SOX6: variants seen among roughly 807,000 people sequenced by gnomAD.
SOX6 encodes SRY-box transcription factor 6.
Under a neutral mutation model 97.8 loss-of-function variants are expected in SOX6, and 11 were observed. That is an observed-to-expected ratio of 0.11 (90% CI 0.07 to 0.19). The LOEUF (loss-of-function observed/expected upper bound fraction) is 0.19, where lower values mean the gene tolerates loss of function less well. SOX6 is among the 10% of genes least tolerant of loss of function. The probability of loss-of-function intolerance (pLI) is 1.00; values close to 1 mark genes in which losing one functional copy is unlikely to be tolerated. For synonymous variants in SOX6, 360 were observed against 371.4 expected (o/e 0.97, Z 0.35); for missense variants, 810 against 1,039.5 (o/e 0.78, Z 3.04).
At chr11:16,179,395 T>G (rs754605832) in intron 6 of SOX6, among the ~76,000 whole-genome samples, 3 of 151,906 alleles carry the variant, frequency 2.0e-5, no homozygotes, top group African/African-American at 7.2e-5. Context: ...TTAAAAACAC[T>G]GTATATGAAA....
At chr11:16,393,848 C>T (rs1025128943) in intron 1 of SOX6, among the ~76,000 whole-genome samples, 2 of 151,990 alleles carry the variant, frequency 1.3e-5, no homozygotes, top group Non-Finnish European at 1.5e-5. Context: ...AGACAACTTA[C>T]GAAGGACATC....
chr11:16,716,013 C>T (rs1848217273), intron 2 of SOX6, among the ~76,000 whole-genome samples: 1 of 152,046 alleles, frequency 6.6e-6, no homozygotes, highest in Non-Finnish European at 1.5e-5. Context: ...GTGGGAGGAT[C>T]AAGTACAGGC....
intron 1 of SOX6, among the ~76,000 whole-genome samples, chr11:16,400,551 GTA>G (rs1403296260): frequency 6.6e-6 from 1 of 151,282 alleles, no homozygotes; most frequent in Non-Finnish European, 1.5e-5. Flanking sequence ...CCATATGATG[GTA>G]TATGATGTAG....
rs1270692086 is a variant in SOX6, at chr11:16,691,994, G to T, written n.429+22836C>A. Among the ~76,000 whole-genome samples the T allele has an allele frequency of 2.6e-5, 4 of 151,594 alleles. No individual in the cohort carries two copies. The South Asian group carries it at 6.2e-4, about 24-fold the overall frequency. ...TTAGGTTGTCCGTCTCTCTTTAAAAGAAAAAGAAAAAAGCTTTAGTAGTAA... is the reference window on the plus strand; with the variant it reads ...TTAGGTTGTCCGTCTCTCTTTAAAATAAAAAGAAAAAAGCTTTAGTAGTAA... On this transcript the variant is annotated intron_variant and non_coding_transcript_variant, in intron 3 of 5. Coordinates refer to the SOX6 transcript ENST00000524520.
chr11:16,386,415 A>G (rs529126214), intron 1 of SOX6, among the ~76,000 whole-genome samples: 3 of 151,756 alleles, frequency 2.0e-5, no homozygotes, highest in Non-Finnish European at 2.9e-5. Flanking sequence ...CCTACTTAAA[A>G]CCCTTCATTA....
chr11:16,484,260 T>C (rs57998337), intron 4 of SOX6: 129,029 of 1,081,970 alleles, frequency 0.12, 10,715 homozygotes, highest in African/African-American at 0.15. Flanking sequence ...GTGTCCAGAA[T>C]GTTGGTGTCA....
intron 6 of SOX6, among the ~76,000 whole-genome samples, chr11:16,140,788 G>C (rs1289806531): frequency 6.6e-6 from 1 of 152,200 alleles, no homozygotes; most frequent in Non-Finnish European, 1.5e-5. Flanking sequence ...TCAGTGTTAT[G>C]TTCTGCCATG....
At chr11:16,598,576 T>C (rs1411866547) in intron 4 of SOX6, among the ~76,000 whole-genome samples, 1 of 152,006 alleles carries the variant, frequency 6.6e-6, no homozygotes, top group Non-Finnish European at 1.5e-5. Flanking sequence ...TAAGTCTTTA[T>C]GTTATTCAAT....
chr11:16,556,578 T>C, intron 4 of SOX6, among the ~76,000 whole-genome samples: 1 of 151,838 alleles, frequency 6.6e-6, no homozygotes, highest in Middle Eastern at 3.4e-3. Flanking sequence ...TTAAGAAAAA[T>C]ACCCTTAACA....
chr11:16,633,265 GT>G, intron 3 of SOX6, among the ~76,000 whole-genome samples: 1 of 152,294 alleles, frequency 6.6e-6, no homozygotes, highest in East Asian at 1.9e-4. Context: ...ACTGAGCACA[GT>G]TTTTTACTTC....
intron 4 of SOX6, among the ~76,000 whole-genome samples, chr11:16,202,276 T>C (rs984476964): frequency 1.3e-5 from 2 of 152,162 alleles, no homozygotes; most frequent in African/African-American, 4.8e-5. Context: ...GGCCATGTTA[T>C]TAATATACAC....
chr11:16,369,691 A>C (rs548005806), intron 1 of SOX6, among the ~76,000 whole-genome samples: 19 of 152,180 alleles, frequency 1.2e-4, no homozygotes, highest in Non-Finnish European at 2.8e-4. Flanking sequence ...AGGTCTCAAA[A>C]TTTTATTCAT....
Position 16,322,034 on chromosome 11 carries a change from ATC to A in SOX6, c.238-3383_238-3382del, listed in dbSNP as rs528383407. On this transcript the variant is annotated intron_variant, in intron 2 of 15. Coordinates refer to ENST00000683767, the MANE Select transcript of SOX6 (RefSeq NM_001367873.1). ...CTTTAAAAAAAAATCTTGACAAAGA[ATC>A]TCTGGTTTTTTTAAGGAGGCTATGT... Among the ~76,000 whole-genome samples the A allele has an allele frequency of 7.2e-5, 11 of 152,310 alleles. No individual in the cohort carries two copies. The East Asian group carries it at 2.1e-3, about 29-fold the overall frequency.
At chr11:16,569,826 G>A (rs1054021665) in intron 4 of SOX6, among the ~76,000 whole-genome samples, 27 of 136,816 alleles carry the variant, frequency 2.0e-4, no homozygotes, top group East Asian at 6.8e-4. Flanking sequence ...CTGAGATAGC[G>A]CCACTGCACT....
chr11:16,434,494 TTGA>T (rs1211404595), intron 1 of SOX6: 34 of 152,116 alleles, frequency 2.2e-4, no homozygotes, highest in African/African-American at 7.2e-4. Flanking sequence ...AGTCACTGCT[TTGA>T]TGATAATTCC....
intron 13 of SOX6, among the ~76,000 whole-genome samples, chr11:15,989,711 A>G (rs1227982024): frequency 6.6e-6 from 1 of 152,140 alleles, no homozygotes; most frequent in African/African-American, 2.4e-5. Context: ...ATCCCATTCA[A>G]CCTTCAATCA....
rs191696607 is a variant in SOX6 at position 16,549,251 on chromosome 11, C to T, written n.609+62830G>A. 8.0e-3 allele frequency among the ~76,000 whole-genome samples: 1,212 copies of T among 152,232 alleles called. 14 individuals carry two copies. The highest frequency in any genetic ancestry group is 0.028 in the African/African-American group (1,156 of 41,528). ...ATGGCATGATCTCGGCTCACTGCAA[C>T]GTCCGCCTCCCGGGTTCAAGGGATT... On this transcript the variant is annotated intron_variant and non_coding_transcript_variant, in intron 4 of 5. Coordinates refer to the SOX6 transcript ENST00000524520.
intron 1 of SOX6, among the ~76,000 whole-genome samples, chr11:16,383,367 A>G (rs1857885992): frequency 1.3e-5 from 2 of 151,922 alleles, no homozygotes; most frequent in Admixed American, 6.6e-5. Context: ...CTTAAAGGAG[A>G]ATTCCTCAGC....
intron 1 of SOX6, among the ~76,000 whole-genome samples, chr11:16,391,919 TTTAA>T (rs1445066603): frequency 6.6e-6 from 1 of 151,730 alleles, no homozygotes; most frequent in Non-Finnish European, 1.5e-5. Flanking sequence ...ATCCTCAATA[TTTAA>T]ATACCTAAAA....
Sources: gnomAD v4.1 joint callset for allele counts (sites outside exome capture counted in the v4.1 genomes callset) on GRCh38, gnomAD v4.1.1 for gene constraint, MANE v1.5 for transcripts, NCBI Gene and HGNC (gene_info 2026-07-23, HGNC 2026-07-21) for gene names.